Variants in EYS observed in about 807,000 individuals in gnomAD.
EYS encodes the protein protein eyes shut homolog.
In EYS, 250 loss-of-function variants were observed where a neutral mutation model predicts 282.1. The observed-to-expected ratio is 0.89, with a 90% CI of 0.80 to 0.98. The LOEUF is 0.98. Among genes scored for constraint, EYS ranks in the 50% least tolerant of loss-of-function variants. EYS has a pLI of 0.00. For synonymous variants in EYS, 1,355 were observed against 1,282.9 expected, an observed-to-expected ratio of 1.06 and a Z score of -1.20; for missense variants, 4,016 against 3,709.0, an observed-to-expected ratio of 1.08 and a Z score of -2.15.
intron 22 of EYS, among the ~76,000 whole-genome samples, chr6:64,668,339 G>A (rs1273161657): frequency 6.6e-6 from 1 of 152,090 alleles, no homozygotes; most frequent in African/African-American, 2.4e-5. Flanking sequence ...ACAGAAAAGT[G>A]CGAATTACCT....
At chr6:64,168,711 A>G (rs1278211537) in intron 31 of EYS, among the ~76,000 whole-genome samples, 1 of 152,202 alleles carries the variant, frequency 6.6e-6, no homozygotes, top group East Asian at 1.9e-4. Flanking sequence ...TTATGGTCAT[A>G]AAAGTGGATT....
Position 65,632,618 on chromosome 6 carries a change from C to T in EYS, c.-333+7160G>A, listed in dbSNP as rs116120079. Among the ~76,000 whole-genome samples the T allele has an allele frequency of 5.0e-3, 756 of 152,244 alleles. 2 individuals carry two copies. Among genetic ancestry groups the T allele is most frequent in the South Asian group, 8.9e-3 (43 of 4,820 alleles). The stretch of plus-strand genomic sequence containing the variant: ...TCCTCATTTTCCATTGAAAGGTCAG[C>T]GTTGCTGTTTGTGTGGTTTTTGAGC... On this transcript the variant is annotated intron_variant, in intron 2 of 42. Coordinates refer to ENST00000503581, the MANE Select transcript of EYS (RefSeq NM_001142800.2).
In EYS at chr6:64,416,871, C is replaced by G. The variant is rs139844733; in HGVS notation, c.5927+19303G>C. 1.8e-3 allele frequency among the ~76,000 whole-genome samples: 281 copies of G among 152,132 alleles called. 1 individual carries two copies. Among genetic ancestry groups the G allele is most frequent in the African/African-American group, 6.5e-3 (270 of 41,504 alleles). ...GATAACCTAATAATAATCTTATTAGCTAACATTTATTAAGTGATACTAAAT... is the reference window on the plus strand; with the variant it reads ...GATAACCTAATAATAATCTTATTAGGTAACATTTATTAAGTGATACTAAAT... On this transcript the variant is annotated intron_variant, in intron 28 of 42. Transcript: ENST00000503581.
At chr6:64,767,065 TA>T (rs760920604) in intron 22 of EYS, among the ~76,000 whole-genome samples, 6 of 151,994 alleles carry the variant, frequency 3.9e-5, no homozygotes, top group Non-Finnish European at 7.4e-5. Flanking sequence ...ATGAGCTATA[TA>T]TTTTTTTGCT....
At chr6:64,958,854 T>C (rs1309685963) in intron 14 of EYS, among the ~76,000 whole-genome samples, 2 of 151,420 alleles carry the variant, frequency 1.3e-5, no homozygotes, top group African/African-American at 4.8e-5. Context: ...TTCTTGGCAA[T>C]TGGTAAGAGG....
chr6:63,752,616 C>T (rs1582171755), intron 41 of EYS, among the ~76,000 whole-genome samples: 1 of 151,748 alleles, frequency 6.6e-6, no homozygotes, highest in East Asian at 1.9e-4. Context: ...CCTCAGCCTC[C>T]CCAGCAGCTG....
intron 26 of EYS, among the ~76,000 whole-genome samples, chr6:64,580,632 C>T (rs890829630): frequency 4.6e-5 from 7 of 151,858 alleles, no homozygotes; most frequent in Admixed American, 2.6e-4. Context: ...TAAACCTTTT[C>T]TCATAAAAAA....
intron 28 of EYS, among the ~76,000 whole-genome samples, chr6:64,402,487 A>AAGGAAG (rs1453010921): frequency 6.6e-6 from 1 of 152,156 alleles, no homozygotes; most frequent in Non-Finnish European, 1.5e-5. Context: ...TAAGGTAGTG[A>AAGGAAG]CCTTTTCATT....
At chr6:65,439,798 C>T (rs1261573717) in intron 5 of EYS, among the ~76,000 whole-genome samples, 1 of 152,016 alleles carries the variant, frequency 6.6e-6, no homozygotes, top group Non-Finnish European at 1.5e-5. Context: ...AGTTCTCATT[C>T]CTGTATTTCA....
At chr6:64,369,892 T>A (rs1772305293) in intron 29 of EYS, among the ~76,000 whole-genome samples, 2 of 152,048 alleles carry the variant, frequency 1.3e-5, no homozygotes, top group Non-Finnish European at 2.9e-5. Context: ...ATCCTAAAAC[T>A]TTGCCAAAGT....
chr6:64,419,168 TAATA>T (rs1204876363), intron 28 of EYS, among the ~76,000 whole-genome samples: 1 of 152,172 alleles, frequency 6.6e-6, no homozygotes, highest in African/African-American at 2.4e-5. Flanking sequence ...CTCGTGCTGC[TAATA>T]AAGAGATACC....
chr6:64,306,685 A>G (rs1381173121), intron 30 of EYS, among the ~76,000 whole-genome samples: 1 of 152,162 alleles, frequency 6.6e-6, no homozygotes, highest in African/African-American at 2.4e-5. Context: ...TTTTTAAACT[A>G]ACTCTGATAG....
chr6:64,946,714 G>C (rs1769297567), intron 14 of EYS, among the ~76,000 whole-genome samples: 1 of 151,698 alleles, frequency 6.6e-6, no homozygotes, highest in Admixed American at 6.6e-5. Flanking sequence ...ATTGAAACAT[G>C]GCTAGTACCA....
At chr6:64,755,285 G>T (rs924632932) in intron 22 of EYS, among the ~76,000 whole-genome samples, 1 of 151,978 alleles carries the variant, frequency 6.6e-6, no homozygotes, top group Admixed American at 6.6e-5. Flanking sequence ...CTGATGAAAA[G>T]AATTATAGGT....
At chr6:65,162,911 T>TTGTGTGTGTGTGTGTGTGTGTGTG (rs3036015) in intron 12 of EYS, among the ~76,000 whole-genome samples, 37 of 147,386 alleles carry the variant, frequency 2.5e-4, no homozygotes, top group South Asian at 8.6e-4. Context: ...CCTGTTCTGT[T>TTGTGTGTGTGTGTGTGTGTGTGTG]TGTGTGTGTG....
At chr6:63,947,609 G>T (rs1443927679) in intron 35 of EYS, among the ~76,000 whole-genome samples, 1 of 152,082 alleles carries the variant, frequency 6.6e-6, no homozygotes, top group Non-Finnish European at 1.5e-5. Flanking sequence ...TTTGCTAGAT[G>T]TTATTCGAAG....
intron 19 of EYS, among the ~76,000 whole-genome samples, chr6:64,880,404 CTAAT>C (rs1200453672): frequency 4.0e-5 from 6 of 151,736 alleles, no homozygotes; most frequent in Admixed American, 3.9e-4. Flanking sequence ...CTCTCTTCTT[CTAAT>C]TATTCAATTA....
chr6:64,447,326 T>C (rs1775147979), intron 26 of EYS, among the ~76,000 whole-genome samples: 1 of 152,126 alleles, frequency 6.6e-6, no homozygotes, highest in Admixed American at 6.5e-5. Flanking sequence ...CAACTTTACA[T>C]AATCCATTTT....
At position 64,570,620 on chromosome 6, in the gene EYS, AG is replaced by A. The variant is rs1411447889; in HGVS notation, c.5644+19602del. On this transcript the variant is annotated intron_variant, in intron 26 of 42. Transcript: ENST00000503581. Reference sequence around the variant, plus strand: ...GAGCAAATTGAAAGCAAAAAAAAGCAGGGATTGCAATCCTAATCTCTGATAA... The same window carrying A: ...GAGCAAATTGAAAGCAAAAAAAAGCAGGATTGCAATCCTAATCTCTGATAA... Among the ~76,000 whole-genome samples the A allele has an allele frequency of 4.6e-5, 7 of 152,296 alleles. No individual in the cohort carries two copies. In the East Asian group the frequency reaches 1.2e-3, roughly 25 times the overall value.
Sources: gnomAD v4.1 joint callset for allele counts (sites outside exome capture counted in the v4.1 genomes callset) on GRCh38, gnomAD v4.1.1 for gene constraint, MANE v1.5 for transcripts, NCBI Gene and HGNC (gene_info 2026-07-23, HGNC 2026-07-21) for gene names.